The following CACHD1 variants were observed in gnomAD, a reference collection of about 807,000 sequenced individuals.
CACHD1 encodes VWFA and cache domain-containing protein 1.
Under a neutral mutation model 138.7 loss-of-function variants are expected in CACHD1, and 71 were observed. The observed-to-expected ratio is 0.51, with a 90% confidence interval of 0.42 to 0.62. The LOEUF (loss-of-function observed/expected upper bound fraction) is 0.62. Ranked by LOEUF, CACHD1 falls within the 20% of genes least tolerant of loss-of-function variation. CACHD1 has a pLI of 0.00. For missense variants in CACHD1, 1,389 were observed against 1,625.3 expected (o/e 0.85, Z 2.50); for synonymous variants, 578 against 591.5 (o/e 0.98, Z 0.33).
chr1:64,579,049 C>A (rs1646991221), intron 2 of CACHD1, among the ~76,000 whole-genome samples: 1 of 152,154 alleles, frequency 6.6e-6, no homozygotes, highest in Non-Finnish European at 1.5e-5. Context: ...ATTAGGGCCG[C>A]TGGCTTCTAC....
At chr1:64,560,981 T>G (rs1352358733) in intron 2 of CACHD1, among the ~76,000 whole-genome samples, 1 of 152,158 alleles carries the variant, frequency 6.6e-6, no homozygotes, top group Non-Finnish European at 1.5e-5. Context: ...AATATTGATA[T>G]AGCAACTCCA....
intron 4 of CACHD1, among the ~76,000 whole-genome samples, chr1:64,607,794 T>C (rs747165776): frequency 2.6e-5 from 4 of 152,142 alleles, no homozygotes; most frequent in Non-Finnish European, 4.4e-5. Context: ...CACTCCCTTC[T>C]TAGTGATTCT....
intron 1 of CACHD1, among the ~76,000 whole-genome samples, chr1:64,489,347 A>G (rs545796949): frequency 6.6e-6 from 1 of 152,232 alleles, no homozygotes; most frequent in South Asian, 2.1e-4. Context: ...AGAAGGAGTG[A>G]GTCCTCCAAA....
At chr1:64,524,361 T>C (rs747685874) in intron 1 of CACHD1, among the ~76,000 whole-genome samples, 1 of 152,210 alleles carries the variant, frequency 6.6e-6, no homozygotes, top group African/African-American at 2.4e-5. Flanking sequence ...TTTCATCTTT[T>C]TCCAGAAGTG....
intron 1 of CACHD1, among the ~76,000 whole-genome samples, chr1:64,486,037 T>C (rs1557458434): frequency 6.6e-6 from 1 of 152,190 alleles, no homozygotes; most frequent in Non-Finnish European, 1.5e-5. Flanking sequence ...GTAGAATCTG[T>C]CATTTTAATA....
chr1:64,667,953 T>G (rs1649688725), intron 16 of CACHD1, among the ~76,000 whole-genome samples: 1 of 152,226 alleles, frequency 6.6e-6, no homozygotes, highest in Non-Finnish European at 1.5e-5. Flanking sequence ...TGGAAGAATT[T>G]TGATTTGGTT....
In CACHD1 at chr1:64,673,138, C is replaced by T; in HGVS notation, c.2511-20C>T. On this transcript the variant is annotated intron_variant, in intron 17 of 26. Coordinates refer to ENST00000651257, the MANE Select transcript of CACHD1 (RefSeq NM_020925.4). ...AAAAACAGCTGATATGAATGAGGGG[C>T]ATAACTTGTTTTGGTACAGGTGCTT... 1 of 1,572,122 alleles carries T rather than the reference C, an allele frequency of 6.4e-7. No homozygotes were observed. Among genetic ancestry groups the T allele is most frequent in the Non-Finnish European group, 8.7e-7 (1 of 1,148,252 alleles).
chr1:64,686,652 G>C (rs923569078), intron 26 of CACHD1, among the ~76,000 whole-genome samples: 1 of 152,036 alleles, frequency 6.6e-6, no homozygotes, highest in Non-Finnish European at 1.5e-5. Context: ...TCATCTATTG[G>C]CTTATTTTTA....
chr1:64,524,922 A>T (rs1646525415), intron 1 of CACHD1, among the ~76,000 whole-genome samples: 1 of 152,002 alleles, frequency 6.6e-6, no homozygotes, highest in East Asian at 1.9e-4. Flanking sequence ...CCATTTTCAG[A>T]TGAGGAAACT....
At chr1:64,557,794 T>C (rs1646809910) in intron 2 of CACHD1, among the ~76,000 whole-genome samples, 1 of 150,998 alleles carries the variant, frequency 6.6e-6, no homozygotes. Flanking sequence ...AAAAAATTAT[T>C]ATTATTATTA....
At chr1:64,552,478 T>G (rs957165524) in intron 2 of CACHD1, among the ~76,000 whole-genome samples, 1 of 151,060 alleles carries the variant, frequency 6.6e-6, no homozygotes, top group African/African-American at 2.4e-5. Context: ...TTTGTTTTTT[T>G]TTTTTTTTTG....
intron 1 of CACHD1, among the ~76,000 whole-genome samples, chr1:64,539,425 A>G (rs754340906): frequency 1.2e-4 from 19 of 152,226 alleles, no homozygotes; most frequent in Non-Finnish European, 1.9e-4. Context: ...CAGTCTATGT[A>G]TTCCATTTAG....
chr1:64,613,846 G>C (rs1458152881), intron 4 of CACHD1, among the ~76,000 whole-genome samples: 1 of 152,100 alleles, frequency 6.6e-6, no homozygotes, highest in Non-Finnish European at 1.5e-5. Flanking sequence ...CCCAGCTCCT[G>C]CCACATGCTG....
intron 13 of CACHD1, among the ~76,000 whole-genome samples, chr1:64,663,266 G>A (rs544089987): frequency 1.4e-5 from 2 of 146,162 alleles, no homozygotes; most frequent in East Asian, 4.0e-4. Flanking sequence ...TAGATATTAA[G>A]CCGCCGCCGG....
intron 3 of CACHD1, among the ~76,000 whole-genome samples, chr1:64,594,942 ATC>A (rs916874400): frequency 6.6e-5 from 10 of 152,364 alleles, no homozygotes; most frequent in African/African-American, 2.4e-4. Context: ...TGATGTAGAT[ATC>A]TGTCTTTACA....
rs1487169880 is a variant in CACHD1, at chr1:64,470,796, C to G, written c.52C>G (p.Pro18Ala). The G allele has an allele frequency of 1.6e-6, 2 of 1,238,958 alleles. No individual in the cohort carries two copies. Among genetic ancestry groups the G allele is most frequent in the Non-Finnish European group, 2.3e-6 (2 of 887,662 alleles). 76.7% of individuals were successfully genotyped at this position (1,238,958 alleles called of 1,614,324 possible). ...GACGGCCGTGGCCCGGGCGCGGCGG[C>G]CGCCCCTCTGGCTGCTCTGCCTGGT... ...EETAVARARR[P>A]PLWLLCLVAC... The change falls in exon 1 of 27, where the codon CCG becomes GCG. Residue 18 changes from proline (P) to alanine (A), a missense_variant. Coordinates refer to ENST00000651257, the MANE Select transcript of CACHD1 (RefSeq NM_020925.4). This position sits in a 1 kb window ranked among gnomAD's most constrained non-coding sequence, Gnocchi z 5.2.
chr1:64,487,590 G>T (rs1240033030), intron 1 of CACHD1, among the ~76,000 whole-genome samples: 2 of 151,990 alleles, frequency 1.3e-5, no homozygotes, highest in African/African-American at 4.8e-5. Flanking sequence ...GAATGATTTT[G>T]ATCATTTTGG....
At chr1:64,667,523 AG>A (rs1190223413) in intron 16 of CACHD1, among the ~76,000 whole-genome samples, 1 of 152,246 alleles carries the variant, frequency 6.6e-6, no homozygotes, top group Non-Finnish European at 1.5e-5. Flanking sequence ...TATGCAAACA[AG>A]TAAACACTTA....
intron 1 of CACHD1, among the ~76,000 whole-genome samples, chr1:64,484,623 C>A (rs1189417080): frequency 1.3e-5 from 2 of 152,222 alleles, no homozygotes; most frequent in African/African-American, 4.8e-5. Flanking sequence ...TACCATTGAA[C>A]AATAATGCCC....
Sources: allele counts gnomAD v4.1 joint callset (sites outside exome capture counted in the v4.1 genomes callset), GRCh38; gene constraint gnomAD v4.1.1; non-coding constraint Gnocchi (gnomAD v3.1); transcripts MANE v1.5; gene names NCBI Gene and HGNC (gene_info 2026-07-23, HGNC 2026-07-21).